Variants in CD82 observed in about 807,000 individuals in gnomAD.
CD82 encodes CD82 molecule.
CD82 carries 36 observed loss-of-function variants against 37.4 expected under a neutral mutation model. That is an observed-to-expected ratio of 0.96 (90% CI 0.74 to 1.27). The LOEUF (loss-of-function observed/expected upper bound fraction) is 1.27. Among genes scored for constraint, CD82 ranks in the 50% most tolerant of loss-of-function variants. The probability of loss-of-function intolerance (pLI) is 0.00; values close to 1 mark genes in which losing one functional copy is unlikely to be tolerated. For synonymous variants in CD82, 158 were observed against 137.4 expected (o/e 1.15, Z -1.05); for missense variants, 340 against 347.0 (o/e 0.98, Z 0.16).
intron 4 of CD82, among the ~76,000 whole-genome samples, chr11:44,602,264 C>T (rs1000024424): frequency 1.3e-5 from 2 of 152,206 alleles, no homozygotes; most frequent in Admixed American, 6.5e-5. Context: ...GGGTTCGATT[C>T]ACGGCGGTGC....
intron 6 of CD82, among the ~76,000 whole-genome samples, chr11:44,608,438 CCCTGCTCTA>C (rs1279990903): frequency 6.6e-6 from 1 of 152,192 alleles, no homozygotes; most frequent in Non-Finnish European, 1.5e-5. Context: ...ATCTGCCTCT[CCCTGCTCTA>C]CCACTCAGGT....
Position 44,618,643 on chromosome 11 carries a change from T to C in CD82, c.646T>C (p.Cys216Arg). Residue 216 changes from cysteine (C) to arginine (R), a missense_variant, in exon 9 of 10, where the codon TGC becomes CGC. Transcript: ENST00000227155. ...PEDWPVYQEG[C>R]MEKVQAWLQE... ...TGACCGCATTCTGCCCTTGCAGGGC[T>C]GCATGGAGAAGGTGCAGGCGTGGCT... 6.2e-7 allele frequency: 1 copy of C among 1,611,232 alleles called. No individual in the cohort carries two copies. Among genetic ancestry groups the C allele is most frequent in the African/African-American group, 1.3e-5 (1 of 75,036 alleles).
At chr11:44,576,257 G>T (rs1221296349) in intron 1 of CD82, among the ~76,000 whole-genome samples, 2 of 152,222 alleles carry the variant, frequency 1.3e-5, no homozygotes, top group Non-Finnish European at 2.9e-5. Context: ...AGCCTCAGTT[G>T]TTGAGCATCT....
intron 6 of CD82, 29 bp from the exon 7 acceptor site, chr11:44,615,243 G>T: frequency 1.3e-6 from 2 of 1,489,576 alleles, no homozygotes; most frequent in South Asian, 2.3e-5. Flanking sequence ...CAGGAAATCT[G>T]ACCCTGACCT....
chr11:44,565,125 G>GT (rs1312550832), upstream of CD82, among the ~76,000 whole-genome samples: 1 of 152,242 alleles, frequency 6.6e-6, no homozygotes, highest in Non-Finnish European at 1.5e-5. Context: ...GAATGCCAGC[G>GT]TGGGGGCCCC....
chr11:44,578,006 C>T (rs910396110), intron 1 of CD82, among the ~76,000 whole-genome samples: 2 of 152,150 alleles, frequency 1.3e-5, no homozygotes, highest in Non-Finnish European at 2.9e-5. Context: ...TACTAACCCC[C>T]CTGAGCCTCA....
intron 2 of CD82, among the ~76,000 whole-genome samples, chr11:44,593,172 C>T (rs932157160): frequency 6.6e-6 from 1 of 152,228 alleles, no homozygotes; most frequent in African/African-American, 2.4e-5. Flanking sequence ...TGATCGTTAG[C>T]ATGTCCAGAA....
rs1269740402 is a variant in CD82 at position 44,597,150 on chromosome 11, G to A, written c.63+2425G>A. Among the ~76,000 whole-genome samples the A allele has an allele frequency of 6.6e-6, 1 of 152,222 alleles. No homozygotes were observed. The highest frequency in any genetic ancestry group is 1.5e-5 in the Non-Finnish European group (1 of 68,036). On this transcript the variant is annotated intron_variant, in intron 3 of 9. Transcript: ENST00000227155. The surrounding 1 kb of genome is among the most constrained non-coding windows in gnomAD (Gnocchi z 4.1). ...ATTTGTGGTTTGGAAAAATCCCCGT[G>A]GCTGCTATGTGTGCTCGCGCCTGCG...
At chr11:44,574,893 G>T (rs760569644) in intron 1 of CD82, among the ~76,000 whole-genome samples, 2 of 152,178 alleles carry the variant, frequency 1.3e-5, no homozygotes, top group African/African-American at 4.8e-5. Context: ...GCATTCCCCA[G>T]CCATTGCACA....
intron 1 of CD82, among the ~76,000 whole-genome samples, chr11:44,581,676 T>G (rs1852981108): frequency 6.6e-6 from 1 of 152,134 alleles, no homozygotes; most frequent in African/African-American, 2.4e-5. Flanking sequence ...TGAACTGCAG[T>G]GGATGGTGGC....
chr11:44,594,843 G>C (rs1446781865), intron 3 of CD82, 118 bp downstream of exon 3: 3 of 803,246 alleles, frequency 3.7e-6, no homozygotes, highest in Non-Finnish European at 6.5e-6. Context: ...TGGTGGGTAG[G>C]GACTGAGGAC....
chr11:44,604,047 G>A (rs1056573083), intron 4 of CD82, among the ~76,000 whole-genome samples: 3 of 152,138 alleles, frequency 2.0e-5, no homozygotes, highest in African/African-American at 7.2e-5. Flanking sequence ...AATGTCACTG[G>A]CTCAGGCTGG....
intron 8 of CD82, 101 bp from the exon 9 acceptor site, chr11:44,618,539 G>A (rs1853602909): frequency 2.6e-6 from 3 of 1,147,718 alleles, no homozygotes; most frequent in Non-Finnish European, 3.9e-6. Flanking sequence ...AGAGCCCTCT[G>A]TAGGGGCTTC....
At chr11:44,606,218 G>T (rs989395586) in intron 6 of CD82, 1 of 152,340 alleles carries the variant, frequency 6.6e-6, no homozygotes, top group South Asian at 2.1e-4. Context: ...CAGAAAAGGC[G>T]CAGTGGCTCA....
At chr11:44,588,326 C>T (rs970795884) in intron 2 of CD82, among the ~76,000 whole-genome samples, 1 of 151,886 alleles carries the variant, frequency 6.6e-6, no homozygotes, top group South Asian at 2.1e-4. Flanking sequence ...TGGGTTCAAG[C>T]AATTCCTCTT....
chr11:44,570,172 G>T (rs908207906), intron 1 of CD82, among the ~76,000 whole-genome samples: 15 of 152,208 alleles, frequency 9.9e-5, no homozygotes, highest in African/African-American at 3.4e-4. Context: ...CTTCCTGGGG[G>T]TGGCTGGGTC....
chr11:44,617,875 C>G (rs1481499049), intron 7 of CD82, among the ~76,000 whole-genome samples: 2 of 152,164 alleles, frequency 1.3e-5, no homozygotes, highest in Non-Finnish European at 1.5e-5. Flanking sequence ...AACCCAGTAG[C>G]CTGACTTTAA....
intron 1 of CD82, among the ~76,000 whole-genome samples, chr11:44,583,329 G>T (rs917754001): frequency 6.6e-6 from 1 of 152,250 alleles, no homozygotes; most frequent in Non-Finnish European, 1.5e-5. Flanking sequence ...GCACCCTCCT[G>T]TCAGAGAAGC....
rs1309202577 is a variant in CD82, at chr11:44,614,077, A to C, written c.337-1195A>C. Among the ~76,000 whole-genome samples the C allele has an allele frequency of 2.0e-5, 3 of 152,102 alleles. No homozygotes were observed. In the East Asian group the frequency reaches 5.8e-4, roughly 29 times the overall value. On this transcript the variant is annotated intron_variant, in intron 6 of 9. Coordinates refer to ENST00000227155, the MANE Select transcript of CD82 (RefSeq NM_002231.4). ...GCCCAGGCTGGAGTGCAGTGGTGCG[A>C]TCTCGACTCACTGTAACCTCCATCT...
Sources: gnomAD v4.1 joint callset for allele counts (sites outside exome capture counted in the v4.1 genomes callset) on GRCh38, gnomAD v4.1.1 for gene constraint, Gnocchi (gnomAD v3.1) non-coding constraint, MANE v1.5 for transcripts, NCBI Gene and HGNC (gene_info 2026-07-23, HGNC 2026-07-21) for gene names.